MAN2B2: variants seen among roughly 807,000 people sequenced by gnomAD.
The protein encoded by MAN2B2 is epididymis-specific alpha-mannosidase.
Under a neutral mutation model 117.1 loss-of-function variants are expected in MAN2B2, and 106 were observed. The ratio of observed to expected loss-of-function variants is 0.90; its 90% confidence interval spans 0.77 to 1.06. The LOEUF is 1.06. Among genes scored for constraint, MAN2B2 ranks in the 50% least tolerant of loss-of-function variants. The probability of loss-of-function intolerance (pLI) is 0.00; values close to 1 mark genes in which losing one functional copy is unlikely to be tolerated. For synonymous variants in MAN2B2, 544 were observed against 595.1 expected, an observed-to-expected ratio of 0.91 and a Z score of 1.25; for missense variants, 1,326 against 1,381.4, an observed-to-expected ratio of 0.96 and a Z score of 0.64.
chr4:6,579,022 C>G (rs1726186982), intron 3 of MAN2B2, among the ~76,000 whole-genome samples: 2 of 107,372 alleles, frequency 1.9e-5, no homozygotes, highest in Admixed American at 9.0e-5. Flanking sequence ...CCACCACCAT[C>G]ACCATCACCA....
At chr4:6,579,384 ACCCT>A (rs1560635230) in intron 3 of MAN2B2, among the ~76,000 whole-genome samples, 2 of 20,678 alleles carry the variant, frequency 9.7e-5, no homozygotes, top group African/African-American at 1.6e-4. Context: ...CACCACCACT[ACCCT>A]TCACCATCAC....
At position 6,575,642 on chromosome 4, in the gene MAN2B2, T is replaced by G. The variant is rs529880274; in HGVS notation, c.138+294T>G. 1.8e-4 allele frequency among the ~76,000 whole-genome samples: 28 copies of G among 152,284 alleles called. No individual in the cohort carries two copies. The South Asian group carries it at 5.0e-3, about 27-fold the overall frequency. On this transcript the variant is annotated intron_variant, in intron 1 of 18. Coordinates refer to ENST00000285599, the MANE Select transcript of MAN2B2 (RefSeq NM_015274.3). ...TGGTAACCCATTTTCCAGGGAAGCCTGGAGCAGGAGAGGGTGGGGCTGGCT... is the reference window on the plus strand; with the variant it reads ...TGGTAACCCATTTTCCAGGGAAGCCGGGAGCAGGAGAGGGTGGGGCTGGCT...
Position 6,609,818 on chromosome 4 carries a change from A to G in MAN2B2, c.2027A>G (p.Tyr676Cys), listed in dbSNP as rs1727695624. The G allele has an allele frequency of 6.2e-7, 1 of 1,613,922 alleles. No individual in the cohort carries two copies. The highest frequency in any genetic ancestry group is 1.7e-5 in the Admixed American group (1 of 60,026). The change falls in exon 13 of 19, where the codon TAC (tyrosine) becomes TGC (cysteine). Residue 676 changes from tyrosine (Y) to cysteine (C), a missense_variant. Physicochemically the swap from Tyr to Cys is radical, Grantham distance 194 (BLOSUM62 -2). Coordinates refer to ENST00000285599, the MANE Select transcript of MAN2B2 (RefSeq NM_015274.3). ...TCCAGGAACATGACAGCACAGAATT[A>G]CACGTATGCAATCCGCTCCCGGCTC... ...YFYRNMTAQN[Y>C]TYAIRSRLTH...
At chr4:6,601,961 T>C (rs1727350353) in intron 10 of MAN2B2, among the ~76,000 whole-genome samples, 2 of 151,540 alleles carry the variant, frequency 1.3e-5, no homozygotes, top group Non-Finnish European at 2.9e-5. Flanking sequence ...TTGAGGGGAG[T>C]TGGATCTACC....
At chr4:6,579,364 C>CCATCACCATCACCACCACCAA in intron 3 of MAN2B2, among the ~76,000 whole-genome samples, 1 of 98,170 alleles carries the variant, frequency 1.0e-5, no homozygotes, top group Non-Finnish European at 2.3e-5. Context: ...ACCACCATCA[C>CCATCACCATCACCACCACCAA]CATCACCACC....
In MAN2B2 at chr4:6,621,406, G is replaced by C; in HGVS notation, c.*121G>C. 1 of 699,138 alleles carries C rather than the reference G, an allele frequency of 1.4e-6. No homozygotes were observed. The highest frequency in any genetic ancestry group is 2.3e-6 in the Non-Finnish European group (1 of 435,410). The allele number at this position is 699,138 out of a possible 1,614,324, so 43.3% of individuals were successfully genotyped here. On this transcript the variant is annotated 3_prime_UTR_variant, in exon 19 of 19. Coordinates refer to ENST00000285599, the MANE Select transcript of MAN2B2 (RefSeq NM_015274.3). ...CTGGGGAGTCAGCTGCTCATCTGCAGGCTAATGGCAGGAAATGGTCATATT... is the reference window on the plus strand; with the variant it reads ...CTGGGGAGTCAGCTGCTCATCTGCACGCTAATGGCAGGAAATGGTCATATT...
intron 7 of MAN2B2, 25 bp from the exon 8 acceptor site, chr4:6,597,088 C>T (rs772436310): frequency 6.2e-7 from 1 of 1,605,786 alleles, no homozygotes; most frequent in South Asian, 1.1e-5. Context: ...CCGTCTCAAG[C>T]TCACCATCTT....
intron 3 of MAN2B2, among the ~76,000 whole-genome samples, chr4:6,581,116 G>A (rs903200657): frequency 1.1e-4 from 17 of 152,232 alleles, no homozygotes; most frequent in Admixed American, 1.0e-3. Context: ...CTGGTAGATG[G>A]GTAATCTTAC....
At position 6,614,301 on chromosome 4, in the gene MAN2B2, C is replaced by T; in HGVS notation, c.2647C>T (p.Pro883Ser). The change falls in exon 16 of 19, where the codon CCT becomes TCT. Residue 883 changes from proline to serine, a missense_variant. By Grantham distance (74) the Pro-to-Ser change is moderately conservative (BLOSUM62 -1). Transcript: ENST00000285599. ...TCTTCACCTGCAGATCCTGAGCATC[C>T]CTGGCTGGCGCTACAGCTCCAACCA... The part of the protein sequence containing the change: ...PNLHLQILSI[P>S]GWRYSSNHTE... The T allele has an allele frequency of 6.2e-7, 1 of 1,614,138 alleles. No homozygotes were observed.
At chr4:6,597,765 C>T (rs1258708071) in intron 8 of MAN2B2, among the ~76,000 whole-genome samples, 1 of 152,224 alleles carries the variant, frequency 6.6e-6, no homozygotes, top group African/African-American at 2.4e-5. Context: ...ATAGCCAGTT[C>T]ATGAGTTTCC....
At chr4:6,586,883 C>G in intron 3 of MAN2B2, 113 bp from the exon 4 acceptor site, 1 of 900,162 alleles carries the variant, frequency 1.1e-6, no homozygotes, top group Non-Finnish European at 1.7e-6. Context: ...CCTGCCTGGC[C>G]CAGTAGCTGG....
chr4:6,589,014 C>T, intron 4 of MAN2B2, 31 bp from the exon 5 acceptor site: 2 of 1,568,012 alleles, frequency 1.3e-6, no homozygotes, highest in Non-Finnish European at 1.8e-6. Context: ...CATGTGGCCC[C>T]TCCAGCCTCA....
chr4:6,621,150 C>T lies in MAN2B2; in HGVS notation c.2933-38C>T, dbSNP rs751889455. 5 of 1,522,924 alleles carry T rather than the reference C, an allele frequency of 3.3e-6. No individual in the cohort carries two copies. In the South Asian group the frequency reaches 5.6e-5, roughly 17 times the overall value. The allele number at this position is 1,522,924 out of a possible 1,614,324, so 94.3% of individuals were successfully genotyped here. ...TGAGAGGGAGGCTGGGAGGAGGCAT[C>T]CCAGGCCACACTGGACAGATCACCT... On this transcript the variant is annotated intron_variant, in intron 18 of 18. Coordinates refer to ENST00000285599, the MANE Select transcript of MAN2B2 (RefSeq NM_015274.3).
intron 3 of MAN2B2, among the ~76,000 whole-genome samples, chr4:6,582,684 A>T (rs1412228484): frequency 6.6e-6 from 1 of 152,106 alleles, no homozygotes; most frequent in Admixed American, 6.5e-5. Flanking sequence ...TCTTCAAAAA[A>T]AAATTTTTTT....
At position 6,614,369 on chromosome 4, in the gene MAN2B2, C is replaced by G; in HGVS notation, c.2701+14C>G. ...ATCTCCGGAAAGGTGAGGCAGGTGC[C>G]CTGGCGTCTCAGACCTGCTCCTCCC... is the stretch of plus-strand genomic sequence containing the variant. On this transcript the variant is annotated intron_variant, in intron 16 of 18. Coordinates refer to ENST00000285599, the MANE Select transcript of MAN2B2 (RefSeq NM_015274.3). The G allele has an allele frequency of 1.9e-6, 3 of 1,612,408 alleles. No homozygotes were observed. Among genetic ancestry groups the G allele is most frequent in the Non-Finnish European group, 2.5e-6 (3 of 1,179,002 alleles).
In MAN2B2 at chr4:6,579,121, CACT is replaced by C. The variant is rs1320500125; in HGVS notation, c.391+626_391+628del. Among the ~76,000 whole-genome samples the C allele has an allele frequency of 1.5e-3, 88 of 60,104 alleles. 2 individuals carry two copies. Among genetic ancestry groups the C allele is most frequent in the East Asian group, 1.7e-3 (2 of 1,160 alleles). The allele number at this position is 60,104 out of a possible 152,430, so 39.4% of individuals were successfully genotyped here. A position where few individuals can be genotyped will look rare whatever the true frequency, so the allele number is the denominator to read the frequency against. ...CCAGCACCACCACCATCACCATCAC[CACT>C]ACCACCACCACCACCATCACCACCA... On this transcript the variant is annotated intron_variant, in intron 3 of 18. Transcript: ENST00000285599.
At chr4:6,585,107 C>T (rs1726581679) in intron 3 of MAN2B2, among the ~76,000 whole-genome samples, 1 of 152,110 alleles carries the variant, frequency 6.6e-6, no homozygotes, top group African/African-American at 2.4e-5. Flanking sequence ...AGCCTCCACC[C>T]ACACTCCTAG....
In MAN2B2 at chr4:6,593,215, T is replaced by TC. The variant is rs746867151; in HGVS notation, c.727dup (p.Gln243ProfsTer10). On this transcript the variant is annotated frameshift_variant, in exon 6 of 19. Transcript: ENST00000285599. LOFTEE classifies it high-confidence loss of function. ...ATGGCGTGGCTGTCTTCCCCAAGCC[T>TC]CCCCAAGATGGGGTGTACCCCAACA... is the stretch of plus-strand genomic sequence containing the variant. 1 of 1,613,590 alleles carries TC rather than the reference T, an allele frequency of 6.2e-7. No individual in the cohort carries two copies. Among genetic ancestry groups the TC allele is most frequent in the South Asian group, 1.1e-5 (1 of 91,016 alleles).
In MAN2B2 at chr4:6,587,257, T is replaced by C. The variant is rs1726674143; in HGVS notation, c.564+89T>C. On this transcript the variant is annotated intron_variant, in intron 4 of 18. Coordinates refer to ENST00000285599, the MANE Select transcript of MAN2B2 (RefSeq NM_015274.3). ...AGCACGGTAGAAAGCTGCTGCTCTA[T>C]GCCGAAGTGTTCGGAAATTCTTGGC... is the stretch of plus-strand genomic sequence containing the variant. The C allele has an allele frequency of 2.1e-5, 31 of 1,471,460 alleles. No homozygotes were observed. In the Admixed American group the frequency reaches 2.4e-4, roughly 11 times the overall value. The allele number at this position is 1,471,460 out of a possible 1,614,324, so 91.2% of individuals were successfully genotyped here.
Sources: allele counts gnomAD v4.1 joint callset (sites outside exome capture counted in the v4.1 genomes callset), GRCh38; gene constraint gnomAD v4.1.1; transcripts MANE v1.5; gene names NCBI Gene and HGNC (gene_info 2026-07-23, HGNC 2026-07-21).